The following FAM110A variants were observed in gnomAD, a reference collection of about 807,000 sequenced individuals.
The protein encoded by FAM110A is protein FAM110A.
A neutral mutation model predicts 4.0 loss-of-function variants in FAM110A; 1 was observed. That is an observed-to-expected ratio of 0.25 (90% CI 0.09 to 1.20). The LOEUF (loss-of-function observed/expected upper bound fraction) is 1.20, where lower values mean the gene tolerates loss of function less well. FAM110A is among the 50% of genes most tolerant of loss of function. The pLI, the probability that FAM110A is intolerant of heterozygous loss-of-function variation, is 0.50. For missense variants in FAM110A, 436 were observed against 429.2 expected, an observed-to-expected ratio of 1.02 and a Z score of -0.14; for synonymous variants, 217 against 196.8, an observed-to-expected ratio of 1.10 and a Z score of -0.86.
chr20:838,634 G>T (rs1979708496), intron 1 of FAM110A, among the ~76,000 whole-genome samples: 1 of 152,156 alleles, frequency 6.6e-6, no homozygotes, highest in Non-Finnish European at 1.5e-5. Flanking sequence ...ATCTGAAGGG[G>T]GTGAGGGAAG....
intron 1 of FAM110A, among the ~76,000 whole-genome samples, chr20:842,390 G>A (rs1159186057): frequency 2.0e-5 from 3 of 152,200 alleles, no homozygotes; most frequent in African/African-American, 7.2e-5. Flanking sequence ...TCCGGATGGT[G>A]CCCGCAAGGG....
chr20:837,488 A>G (rs1358036774), intron 1 of FAM110A, among the ~76,000 whole-genome samples: 1 of 152,234 alleles, frequency 6.6e-6, no homozygotes, highest in Non-Finnish European at 1.5e-5. Context: ...AATAGTTATC[A>G]TAGCCTGCAC....
Position 845,961 on chromosome 20 carries a change from T to C in FAM110A, c.*269T>C, listed in dbSNP as rs1034791671. 3.6e-5 allele frequency: 20 copies of C among 553,418 alleles called. No homozygotes were observed. The highest frequency in any genetic ancestry group is 6.2e-5 in the Non-Finnish European group (20 of 321,804). 34.3% of individuals were successfully genotyped at this position (553,418 alleles called of 1,614,324 possible). A position where few individuals can be genotyped will look rare whatever the true frequency, so the allele number is the denominator to read the frequency against. Reference sequence around the variant, plus strand: ...TTGACATGAGTGTACTCCTGCTTAGTTCCTCTTGTGGGGCTGCATTTGCGG... The same window carrying C: ...TTGACATGAGTGTACTCCTGCTTAGCTCCTCTTGTGGGGCTGCATTTGCGG... On this transcript the variant is annotated 3_prime_UTR_variant, in exon 2 of 2. Coordinates refer to ENST00000381941, the MANE Select transcript of FAM110A (RefSeq NM_001042353.3).
intron 1 of FAM110A, 85 bp from the exon 2 acceptor site, chr20:844,623 G>A: frequency 1.1e-6 from 1 of 932,726 alleles, no homozygotes; most frequent in Non-Finnish European, 1.4e-6. Flanking sequence ...TAATAGGGAG[G>A]GCGTCTTATC....
intron 1 of FAM110A, among the ~76,000 whole-genome samples, chr20:838,228 A>C (rs1482195144): frequency 6.6e-6 from 1 of 152,224 alleles, no homozygotes; most frequent in East Asian, 1.9e-4. Flanking sequence ...ACTAAGAAGG[A>C]CACAACATCA....
At chr20:838,951 G>A (rs1354999049) in intron 1 of FAM110A, among the ~76,000 whole-genome samples, 1 of 151,916 alleles carries the variant, frequency 6.6e-6, no homozygotes, top group Non-Finnish European at 1.5e-5. Context: ...AAACACAGCA[G>A]TAATGAGACT....
At position 845,697 on chromosome 20, in the gene FAM110A, C is replaced by T. The variant is rs375915338; in HGVS notation, c.*5C>T. 22 of 1,613,772 alleles carry T rather than the reference C, an allele frequency of 1.4e-5. No homozygotes were observed. The highest frequency in any genetic ancestry group is 1.9e-5 in the Non-Finnish European group (22 of 1,179,980). Reference sequence around the variant, plus strand: ...AGCCCAGCAGCTGAAGGCTAGGCGCCACTGGGCCTGGAATTCGCCACAGGA... The same window carrying T: ...AGCCCAGCAGCTGAAGGCTAGGCGCTACTGGGCCTGGAATTCGCCACAGGA... On this transcript the variant is annotated 3_prime_UTR_variant, in exon 2 of 2. Transcript: ENST00000381941.
intron 1 of FAM110A, among the ~76,000 whole-genome samples, chr20:841,836 C>T (rs1257730095): frequency 6.6e-6 from 1 of 152,218 alleles, no homozygotes; most frequent in East Asian, 1.9e-4. Flanking sequence ...GCCGCTGCAC[C>T]TCCGTTTGCC....
chr20:845,080 C>A lies in FAM110A; in HGVS notation c.276C>A (p.Ala92=). The change falls in exon 2 of 2, where the codon GCC becomes GCA. Residue 92 remains alanine (A), a synonymous_variant. Transcript: ENST00000381941. ...RRTVLTPSRR[A]LPGPCRRPQL... The stretch of plus-strand genomic sequence containing the variant: ...CAGTGCTCACGCCCAGCCGCCGAGC[C>A]CTGCCTGGCCCCTGCCGACGGCCCC... 6.3e-7 allele frequency: 1 copy of A among 1,596,998 alleles called. No individual in the cohort carries two copies. The highest frequency in any genetic ancestry group is 2.3e-5 in the East Asian group (1 of 44,018).
Position 845,190 on chromosome 20 carries a change from G to T in FAM110A, c.386G>T (p.Arg129Leu). Residue 129 changes from arginine (R) to leucine (L), a missense_variant, in exon 2 of 2, where the codon CGG becomes CTG. By Grantham distance (102) the Arg-to-Leu change is moderately radical. Transcript: ENST00000381941. ...GCCGAGGCCAGCCGCACTCCTGGAC[G>T]GGCCGAGGGAGCCGGCCGTCCTCCC... Reference protein sequence around the residue: ...SPAEASRTPGRAEGAGRPPPA... With the variant: ...SPAEASRTPGLAEGAGRPPPA... The T allele has an allele frequency of 6.4e-7, 1 of 1,566,206 alleles. No individual in the cohort carries two copies. Among genetic ancestry groups the T allele is most frequent in the Non-Finnish European group, 8.6e-7 (1 of 1,160,762 alleles).
intron 1 of FAM110A, among the ~76,000 whole-genome samples, chr20:844,384 G>A (rs1980119994): frequency 6.6e-6 from 1 of 152,254 alleles, no homozygotes; most frequent in African/African-American, 2.4e-5. Context: ...CACAGAGCCT[G>A]GAGCCTCCCT....
At chr20:837,918 T>C (rs565655369) in intron 1 of FAM110A, among the ~76,000 whole-genome samples, 100 of 152,246 alleles carry the variant, frequency 6.6e-4, no homozygotes, top group African/African-American at 2.3e-3. Flanking sequence ...TTTTTTTTTT[T>C]TCTCTTCTCA....
intron 1 of FAM110A, among the ~76,000 whole-genome samples, chr20:838,202 C>A (rs910643465): frequency 6.6e-6 from 1 of 152,124 alleles, no homozygotes; most frequent in African/African-American, 2.4e-5. Flanking sequence ...AAAAAAGAAG[C>A]CTTCTGATAC....
chr20:839,842 T>G (rs1600007529), intron 1 of FAM110A: 1 of 1,605,272 alleles, frequency 6.2e-7, no homozygotes. Context: ...ATGGCCTTCA[T>G]GACGTGAAGG....
chr20:844,587 T>G, intron 1 of FAM110A, 121 bp from the exon 2 acceptor site: 1 of 574,024 alleles, frequency 1.7e-6, no homozygotes, highest in Non-Finnish European at 2.6e-6. Context: ...ATTGGCTCCT[T>G]GTGGAGGGGC....
rs891162755 is a variant in FAM110A, at chr20:833,983, C to T, written c.-98+32C>T. On this transcript the variant is annotated intron_variant, in intron 1 of 1. Transcript: ENST00000381941. This position sits in a 1 kb window ranked among gnomAD's most constrained non-coding sequence, Gnocchi z 4.1. ...GCGCGGGTGGGTCCGGGTGCGACCC[C>T]GGGTCTGGGGGCCCCGTTCCCCGAG... is the stretch of plus-strand genomic sequence containing the variant. 2.8e-4 allele frequency: 43 copies of T among 152,498 alleles called. No individual in the cohort carries two copies. Among genetic ancestry groups the T allele is most frequent in the African/African-American group, 1.0e-3 (43 of 41,576 alleles). The allele number at this position is 152,498 out of a possible 1,614,324, so 9.4% of individuals were successfully genotyped here. A position where few individuals can be genotyped will look rare whatever the true frequency, so the allele number is the denominator to read the frequency against.
intron 1 of FAM110A, chr20:839,492 C>G (rs1470538610): frequency 6.2e-6 from 6 of 963,142 alleles, no homozygotes; most frequent in Admixed American, 1.7e-5. Flanking sequence ...TGCCTCTAAA[C>G]TGGAATTCGG....
At chr20:839,748 T>C in intron 1 of FAM110A, 1 of 1,384,026 alleles carries the variant, frequency 7.2e-7, no homozygotes, top group Non-Finnish European at 1.0e-6. Flanking sequence ...ACGGAGATAC[T>C]GGCTACCCTC....
Position 845,209 on chromosome 20 carries a change from T to C in FAM110A, c.405T>C (p.Arg135=), listed in dbSNP as rs1980233976. ...RTPGRAEGAG[R]PPPATPPRPP... ...CTGGACGGGCCGAGGGAGCCGGCCGTCCTCCCCCAGCCACCCCTCCGCGAC... is the reference window on the plus strand; with the variant it reads ...CTGGACGGGCCGAGGGAGCCGGCCGCCCTCCCCCAGCCACCCCTCCGCGAC... Residue 135 remains arginine, a synonymous_variant, in exon 2 of 2, where the codon CGT becomes CGC. Transcript: ENST00000381941. The C allele has an allele frequency of 2.6e-6, 4 of 1,549,954 alleles. No homozygotes were observed. The South Asian group carries it at 3.6e-5, about 14-fold the overall frequency.
Sources: allele counts gnomAD v4.1 joint callset (sites outside exome capture counted in the v4.1 genomes callset), GRCh38; gene constraint gnomAD v4.1.1; non-coding constraint Gnocchi (gnomAD v3.1); transcripts MANE v1.5; gene names NCBI Gene and HGNC (gene_info 2026-07-23, HGNC 2026-07-21).